Variants in ADGRG6 observed in about 807,000 individuals in gnomAD.
ADGRG6 encodes G-protein coupled receptor 126.
A neutral mutation model predicts 142.4 loss-of-function variants in ADGRG6; 84 were observed. That is an observed-to-expected ratio of 0.59 (90% confidence interval 0.49 to 0.71). ADGRG6 has a LOEUF of 0.71. Ranked by LOEUF, ADGRG6 falls within the 30% of genes least tolerant of loss-of-function variation. The pLI is 0.00. For missense variants in ADGRG6, 1,367 were observed against 1,466.6 expected (o/e 0.93, Z 1.11); for synonymous variants, 521 against 520.5 (o/e 1.00, Z -0.01).
chr6:142,327,821 T>G (rs1320539931), intron 2 of ADGRG6, among the ~76,000 whole-genome samples: 2 of 152,080 alleles, frequency 1.3e-5, no homozygotes, highest in South Asian at 2.1e-4. Flanking sequence ...TAACATTTAA[T>G]TTTTTTGAAA....
intron 22 of ADGRG6, among the ~76,000 whole-genome samples, 180 bp downstream of exon 22, chr6:142,420,284 T>A (rs1029783870): frequency 6.6e-6 from 1 of 152,148 alleles, no homozygotes; most frequent in Non-Finnish European, 1.5e-5. Flanking sequence ...TGAGGTAGAA[T>A]GTTAGTTTTG....
intron 2 of ADGRG6, among the ~76,000 whole-genome samples, chr6:142,359,008 G>A (rs1274603866): frequency 6.7e-6 from 1 of 149,962 alleles, no homozygotes; most frequent in African/African-American, 2.5e-5. Flanking sequence ...GAGTTTGAGA[G>A]CACCCTGGGC....
chr6:142,423,491 G>C (rs771463281), intron 22 of ADGRG6, among the ~76,000 whole-genome samples: 2 of 145,916 alleles, frequency 1.4e-5, no homozygotes, highest in Admixed American at 7.0e-5. Context: ...GATATGTGGC[G>C]TTATTTCTGA....
chr6:142,341,050 G>A (rs1467696785), intron 2 of ADGRG6, among the ~76,000 whole-genome samples: 1 of 151,986 alleles, frequency 6.6e-6, no homozygotes, highest in African/African-American at 2.4e-5. Context: ...GGATTGTCAT[G>A]TAAGAGTAAG....
intron 2 of ADGRG6, among the ~76,000 whole-genome samples, chr6:142,343,746 A>G (rs1779768570): frequency 6.6e-6 from 1 of 151,928 alleles, no homozygotes; most frequent in Admixed American, 6.6e-5. Context: ...GATTAACCAA[A>G]TCCAAATCAA....
At chr6:142,322,943 A>G (rs953525285) in intron 2 of ADGRG6, among the ~76,000 whole-genome samples, 8 of 152,136 alleles carry the variant, frequency 5.3e-5, no homozygotes, top group Admixed American at 1.3e-4. Flanking sequence ...ACTTGAAAAC[A>G]CTGACCTAGA....
chr6:142,356,491 C>G (rs758415881), intron 2 of ADGRG6, among the ~76,000 whole-genome samples: 1 of 148,676 alleles, frequency 6.7e-6, no homozygotes, highest in Non-Finnish European at 1.5e-5. Flanking sequence ...CAAATGAACA[C>G]AAAGTCTCAT....
intron 4 of ADGRG6, among the ~76,000 whole-genome samples, chr6:142,379,684 G>T (rs971998578): frequency 6.6e-6 from 1 of 152,048 alleles, no homozygotes; most frequent in Non-Finnish European, 1.5e-5. Context: ...GGAGAATGGC[G>T]GGAACCCGGG....
chr6:142,441,336 G>T (rs1057219541), intron 24 of ADGRG6, among the ~76,000 whole-genome samples: 12 of 152,172 alleles, frequency 7.9e-5, no homozygotes, highest in Non-Finnish European at 2.9e-5. Flanking sequence ...ATTCATAGAA[G>T]TCATGTAAGT....
Position 142,381,969 on chromosome 6 carries a change from TCCC to T in ADGRG6, c.1089_1091del (p.Pro364del). On this transcript the variant is annotated inframe_deletion, in exon 5 of 25. Coordinates refer to ENST00000367609, the MANE Select transcript of ADGRG6 (RefSeq NM_198569.3). ...GATCAAGGTTCCTACCTGATCCCGC[TCCC>T]AGCAGCAGAACTGGCCAGCTGTGCA... 1 of 1,604,792 alleles carries T rather than the reference TCCC, an allele frequency of 6.2e-7. No individual in the cohort carries two copies. Among genetic ancestry groups the T allele is most frequent in the Non-Finnish European group, 8.5e-7 (1 of 1,174,142 alleles).
In ADGRG6 at chr6:142,434,949, TA is replaced by T. The variant is rs934047614; in HGVS notation, c.3320-2479del. Among the ~76,000 whole-genome samples the T allele has an allele frequency of 1.9e-4, 29 of 152,188 alleles. No individual in the cohort carries two copies. The East Asian group carries it at 2.9e-3, about 15-fold the overall frequency. On this transcript the variant is annotated intron_variant, in intron 22 of 24. Transcript: ENST00000367609. ...TAAGGGCCGCTTTGAATCTTCGTATTAAAAAATAAAACATGTAAGCATAACC... is the reference window on the plus strand; with the variant it reads ...TAAGGGCCGCTTTGAATCTTCGTATTAAAAATAAAACATGTAAGCATAACC...
chr6:142,402,079 T>A, intron 12 of ADGRG6, 21 bp downstream of exon 12: 1 of 1,301,748 alleles, frequency 7.7e-7, no homozygotes, highest in Non-Finnish European at 1.1e-6. Context: ...AGTTTTCCTT[T>A]ATTTCTCAAG....
chr6:142,310,079 A>G (rs1777691427), intron 2 of ADGRG6, among the ~76,000 whole-genome samples: 3 of 151,942 alleles, frequency 2.0e-5, no homozygotes, highest in Admixed American at 6.6e-5. Flanking sequence ...GCATGTTGCA[A>G]TATGAATTAG....
intron 1 of ADGRG6, among the ~76,000 whole-genome samples, chr6:142,304,973 A>T (rs776850914): frequency 5.3e-5 from 8 of 151,964 alleles, no homozygotes; most frequent in African/African-American, 1.2e-4. Flanking sequence ...GGAATGCCTT[A>T]AAAAAAAGCT....
At chr6:142,307,497 TC>T (rs1182772718) in intron 1 of ADGRG6, among the ~76,000 whole-genome samples, 9 of 152,144 alleles carry the variant, frequency 5.9e-5, no homozygotes, top group African/African-American at 1.7e-4. Context: ...AAGTGAACTT[TC>T]TATGGGACGG....
rs749355583 is a variant in ADGRG6 at position 142,309,560 on chromosome 6, C to G, written c.19C>G (p.Arg7Gly). 1.9e-6 allele frequency: 3 copies of G among 1,608,288 alleles called. No homozygotes were observed. Among genetic ancestry groups the G allele is most frequent in the Non-Finnish European group, 1.7e-6 (2 of 1,176,744 alleles). ...TCTTTGCAGGATGTTTCGCTCAGAT[C>G]GAATGTGGAGCTGCCATTGGAAATG... MMFRSD[R>G]MWSCHWKWKP... Residue 7 changes from arginine (R) to glycine (G), a missense_variant, in exon 2 of 25, where the codon CGA becomes GGA. Transcript: ENST00000367609.
chr6:142,310,818 G>A (rs888900698), intron 2 of ADGRG6, among the ~76,000 whole-genome samples: 1 of 151,776 alleles, frequency 6.6e-6, no homozygotes, highest in Non-Finnish European at 1.5e-5. Flanking sequence ...AAACACACTT[G>A]TAAACAGATT....
At chr6:142,383,615 A>G (rs1263816269) in intron 5 of ADGRG6, 145 bp from the exon 6 acceptor site, 1 of 587,276 alleles carries the variant, frequency 1.7e-6, no homozygotes, top group Non-Finnish European at 3.0e-6. Context: ...TTCATCTTAT[A>G]CATTACAACC....
rs142367257 is a variant in ADGRG6 at position 142,339,639 on chromosome 6, C to A, written c.104-27930C>A. Among the ~76,000 whole-genome samples, 1,281 of 152,266 alleles carry A rather than the reference C, an allele frequency of 8.4e-3. 16 individuals are homozygous for A. The highest frequency in any genetic ancestry group is 0.029 in the African/African-American group (1,208 of 41,536). Reference sequence around the variant, plus strand: ...GCTAGGTTCATGCAGTGCTCTGTTACACTTGGCAATGATGAGCAGGCCTTA... The same window carrying A: ...GCTAGGTTCATGCAGTGCTCTGTTAAACTTGGCAATGATGAGCAGGCCTTA... On this transcript the variant is annotated intron_variant, in intron 2 of 24. Coordinates refer to ENST00000367609, the MANE Select transcript of ADGRG6 (RefSeq NM_198569.3).
Sources: allele counts gnomAD v4.1 joint callset (sites outside exome capture counted in the v4.1 genomes callset), GRCh38; gene constraint gnomAD v4.1.1; transcripts MANE v1.5; gene names NCBI Gene and HGNC (gene_info 2026-07-23, HGNC 2026-07-21).